Variants in NEGR1 observed in about 807,000 individuals in gnomAD.
The protein encoded by NEGR1 is IgLON family member 4.
NEGR1 carries 10 observed loss-of-function variants against 40.9 expected under a neutral mutation model. That is an observed-to-expected ratio of 0.24 (90% CI 0.15 to 0.42). NEGR1 has a LOEUF of 0.42. NEGR1 is among the 10% of genes least tolerant of loss of function. The probability of loss-of-function intolerance (pLI) is 1.00; values close to 1 mark genes in which losing one functional copy is unlikely to be tolerated. For synonymous variants in NEGR1, 185 were observed against 166.8 expected (o/e 1.11, Z -0.84); for missense variants, 352 against 438.9 (o/e 0.80, Z 1.77).
chr1:72,123,734 G>A (rs1649897116), intron 1 of NEGR1, among the ~76,000 whole-genome samples: 1 of 151,790 alleles, frequency 6.6e-6, no homozygotes, highest in Non-Finnish European at 1.5e-5. Context: ...AAAGGATGAG[G>A]TAACATATTA....
rs1057009589 is a variant in NEGR1 at position 71,741,434 on chromosome 1, GTTTAA to G, written c.535+34733_535+34737del. Among the ~76,000 whole-genome samples, 57 of 152,006 alleles carry G rather than the reference GTTTAA, an allele frequency of 3.7e-4. 1 individual carries two copies. Among genetic ancestry groups the G allele is most frequent in the Admixed American group, 3.3e-3 (50 of 15,256 alleles). ...ATCAACCCAATTCTCCCATTCCTTT[GTTTAA>G]TTTATGTTTCAGTTCTTTCAGGTTG... On this transcript the variant is annotated intron_variant, in intron 3 of 6. Transcript: ENST00000357731.
At chr1:71,656,357 G>A (rs1209635280) in intron 4 of NEGR1, among the ~76,000 whole-genome samples, 2 of 152,140 alleles carry the variant, frequency 1.3e-5, no homozygotes, top group African/African-American at 4.8e-5. Context: ...TAAAATGAGA[G>A]GGTTGACTAG....
intron 5 of NEGR1, among the ~76,000 whole-genome samples, chr1:71,597,472 C>CTCTGTGTG (rs756076229): frequency 8.9e-4 from 28 of 31,334 alleles, no homozygotes; most frequent in East Asian, 6.8e-3. Flanking sequence ...CTCTCTCTCT[C>CTCTGTGTG]TGTGTGTGTG....
chr1:72,059,045 C>A (rs954451582), intron 1 of NEGR1, among the ~76,000 whole-genome samples: 2 of 151,638 alleles, frequency 1.3e-5, no homozygotes, highest in African/African-American at 4.8e-5. Flanking sequence ...AGAACCTTGT[C>A]TTTCAGATTG....
At chr1:71,704,681 T>G (rs1039650607) in intron 3 of NEGR1, among the ~76,000 whole-genome samples, 1 of 151,902 alleles carries the variant, frequency 6.6e-6, no homozygotes, top group Non-Finnish European at 1.5e-5. Context: ...AACTTCAAGA[T>G]CATATCTCTA....
At chr1:71,495,478 GAA>G (rs59058061) in intron 6 of NEGR1, among the ~76,000 whole-genome samples, 1,743 of 135,924 alleles carry the variant, frequency 0.013, 16 homozygotes, top group African/African-American at 0.022. Context: ...CTCCATCTCG[GAA>G]AAAAAAAAAA....
intron 1 of NEGR1, among the ~76,000 whole-genome samples, chr1:72,173,698 T>C (rs61765615): frequency 0.13 from 19,668 of 152,132 alleles, 1,671 homozygotes; most frequent in Non-Finnish European, 0.19. Context: ...CCCATAACTT[T>C]TGGAGGCCAG....
chr1:72,266,974 A>G (rs370428570), intron 1 of NEGR1, among the ~76,000 whole-genome samples: 2 of 151,248 alleles, frequency 1.3e-5, no homozygotes, highest in South Asian at 4.1e-4. Context: ...TAATCATGTT[A>G]TCAGAAAACT....
At chr1:72,171,718 A>AT (rs1651971401) in intron 1 of NEGR1, among the ~76,000 whole-genome samples, 1 of 152,196 alleles carries the variant, frequency 6.6e-6, no homozygotes, top group African/African-American at 2.4e-5. Context: ...TGAGTAAACT[A>AT]TTCAGAATCA....
intron 1 of NEGR1, among the ~76,000 whole-genome samples, chr1:71,962,378 TA>T (rs1401405790): frequency 6.6e-6 from 1 of 152,074 alleles, no homozygotes; most frequent in Non-Finnish European, 1.5e-5. Flanking sequence ...ATTCTTCCTT[TA>T]AAAATAATTT....
chr1:72,215,779 A>G (rs1393510113), intron 1 of NEGR1, among the ~76,000 whole-genome samples: 1 of 152,132 alleles, frequency 6.6e-6, no homozygotes, highest in Non-Finnish European at 1.5e-5. Flanking sequence ...AATTAGTTCA[A>G]CCGTTGTAGA....
chr1:71,434,789 T>C (rs1173087548), intron 6 of NEGR1, among the ~76,000 whole-genome samples: 1 of 152,196 alleles, frequency 6.6e-6, no homozygotes, highest in Non-Finnish European at 1.5e-5. Flanking sequence ...ATTGTTACTA[T>C]AGTTAAAAAA....
chr1:71,758,683 C>A (rs1655827155), intron 3 of NEGR1, among the ~76,000 whole-genome samples: 1 of 152,128 alleles, frequency 6.6e-6, no homozygotes, highest in Admixed American at 6.6e-5. Flanking sequence ...TACTCTATTA[C>A]ACCAGAGGTC....
chr1:71,736,251 G>A (rs1033600418), intron 3 of NEGR1, among the ~76,000 whole-genome samples: 2 of 152,000 alleles, frequency 1.3e-5, no homozygotes, highest in African/African-American at 2.4e-5. Flanking sequence ...CCACTTTGAT[G>A]TATTTGTTGA....
At chr1:72,067,814 A>G (rs1478126992) in intron 1 of NEGR1, among the ~76,000 whole-genome samples, 3 of 152,140 alleles carry the variant, frequency 2.0e-5, no homozygotes, top group South Asian at 2.1e-4. Flanking sequence ...GACCACTTCT[A>G]AATTTGGCTC....
chr1:71,925,386 C>T (rs2101886860), intron 2 of NEGR1, among the ~76,000 whole-genome samples: 1 of 152,282 alleles, frequency 6.6e-6, no homozygotes, highest in South Asian at 2.1e-4. Context: ...CCACTTCTAA[C>T]CTCTTGCTAG....
At chr1:71,820,262 A>G (rs377250181) in intron 2 of NEGR1, among the ~76,000 whole-genome samples, 1 of 151,958 alleles carries the variant, frequency 6.6e-6, no homozygotes, top group African/African-American at 2.4e-5. Context: ...TGACCAGAAG[A>G]TTGAGGGCAG....
intron 1 of NEGR1, among the ~76,000 whole-genome samples, chr1:72,223,697 A>G (rs1654084362): frequency 6.6e-6 from 1 of 152,176 alleles, no homozygotes; most frequent in African/African-American, 2.4e-5. Flanking sequence ...AAATTACAAT[A>G]ATTCTGATAA....
At chr1:71,991,958 AT>A (rs911481684) in intron 1 of NEGR1, among the ~76,000 whole-genome samples, 5 of 148,986 alleles carry the variant, frequency 3.4e-5, no homozygotes, top group African/African-American at 4.9e-5. Context: ...CACCTGGCTA[AT>A]TTTTTTTTTG....
Sources: gnomAD v4.1 joint callset for allele counts (sites outside exome capture counted in the v4.1 genomes callset) on GRCh38, gnomAD v4.1.1 for gene constraint, MANE v1.5 for transcripts, NCBI Gene and HGNC (gene_info 2026-07-23, HGNC 2026-07-21) for gene names.